The following ULK4 variants were observed in gnomAD, a reference collection of about 807,000 sequenced individuals.
ULK4 encodes unc-51 like kinase 4.
In ULK4, 133 loss-of-function variants were observed where a neutral mutation model predicts 160.6. That is an observed-to-expected ratio of 0.83 (90% confidence interval 0.72 to 0.96). ULK4 has a LOEUF of 0.96. Ranked by LOEUF, ULK4 falls within the 40% of genes least tolerant of loss-of-function variation. The pLI is 0.00. For synonymous variants in ULK4, 534 were observed against 539.8 expected (o/e 0.99, Z 0.15); for missense variants, 1,580 against 1,499.5 (o/e 1.05, Z -0.89).
intron 32 of ULK4, among the ~76,000 whole-genome samples, chr3:41,503,484 C>A (rs1257385182): frequency 2.0e-5 from 3 of 152,136 alleles, no homozygotes; most frequent in Non-Finnish European, 4.4e-5. Context: ...TACAAATAAG[C>A]ATGACACCAA....
rs184924006 is a variant in ULK4, at chr3:41,574,051, G to A, written c.3121-7921C>T. Among the ~76,000 whole-genome samples the A allele has an allele frequency of 8.1e-5, 12 of 148,636 alleles. No individual in the cohort carries two copies. The South Asian group carries it at 8.8e-4, about 11-fold the overall frequency. ...CACAAAATTAGCCAGGAGCGGTGGCGCATGCCTATAATCCCAGCTACTTGG... is the reference window on the plus strand; with the variant it reads ...CACAAAATTAGCCAGGAGCGGTGGCACATGCCTATAATCCCAGCTACTTGG... On this transcript the variant is annotated intron_variant, in intron 31 of 36. Transcript: ENST00000301831.
At chr3:41,593,440 GT>G (rs2031488401) in intron 31 of ULK4, among the ~76,000 whole-genome samples, 1 of 152,052 alleles carries the variant, frequency 6.6e-6, no homozygotes, top group South Asian at 2.1e-4. Flanking sequence ...AATGAAATCT[GT>G]AACTGAAATC....
intron 32 of ULK4, among the ~76,000 whole-genome samples, chr3:41,552,921 C>A (rs1359039302): frequency 6.6e-6 from 1 of 151,990 alleles, no homozygotes; most frequent in African/African-American, 2.4e-5. Flanking sequence ...ATCAATGGAG[C>A]AGAACTGAGA....
intron 32 of ULK4, among the ~76,000 whole-genome samples, chr3:41,471,294 G>A (rs1458803118): frequency 2.0e-5 from 3 of 151,968 alleles, no homozygotes. Flanking sequence ...TTCAACAAGA[G>A]GATATAACAA....
chr3:41,466,904 A>C (rs949539092), intron 32 of ULK4, among the ~76,000 whole-genome samples: 2 of 152,318 alleles, frequency 1.3e-5, no homozygotes, highest in African/African-American at 4.8e-5. Context: ...AAATATGTGA[A>C]TAGCCAGTTC....
chr3:41,625,490 C>T (rs2033462500), intron 30 of ULK4, among the ~76,000 whole-genome samples: 2 of 152,152 alleles, frequency 1.3e-5, no homozygotes, highest in South Asian at 4.1e-4. Context: ...ACTCAGCGCA[C>T]CCTTCATTTG....
chr3:41,645,244 G>A (rs898049997), intron 30 of ULK4, among the ~76,000 whole-genome samples: 2 of 151,750 alleles, frequency 1.3e-5, no homozygotes, highest in African/African-American at 4.9e-5. Context: ...GCTTTTGAAT[G>A]TGTTTGCTCT....
intron 17 of ULK4, among the ~76,000 whole-genome samples, chr3:41,883,052 G>T (rs977230462): frequency 6.6e-6 from 1 of 152,130 alleles, no homozygotes; most frequent in African/African-American, 2.4e-5. Flanking sequence ...CCAGCAGTTT[G>T]CAGGAAATAG....
At chr3:41,268,787 G>C (rs1368137226) in intron 35 of ULK4, among the ~76,000 whole-genome samples, 2 of 127,050 alleles carry the variant, frequency 1.6e-5, no homozygotes, top group African/African-American at 6.1e-5. Flanking sequence ...CTGGGTGACA[G>C]AGCAAGACTC....
chr3:41,360,713 C>G (rs1011090327), intron 35 of ULK4, among the ~76,000 whole-genome samples: 1 of 152,116 alleles, frequency 6.6e-6, no homozygotes, highest in East Asian at 1.9e-4. Flanking sequence ...GGAGCCTGAA[C>G]GATGAGAACA....
chr3:41,840,236 C>A (rs1162887299), intron 17 of ULK4, among the ~76,000 whole-genome samples: 2 of 152,122 alleles, frequency 1.3e-5, no homozygotes, highest in African/African-American at 4.8e-5. Context: ...TGAGACCAAC[C>A]TGGACAACAA....
Position 41,406,976 on chromosome 3 carries a change from G to A in ULK4, c.3493-8712C>T, listed in dbSNP as rs983128813. 7.2e-5 allele frequency among the ~76,000 whole-genome samples: 11 copies of A among 152,184 alleles called. No homozygotes were observed. In the South Asian group the frequency reaches 2.3e-3, roughly 32 times the overall value. On this transcript the variant is annotated intron_variant, in intron 34 of 36. Transcript: ENST00000301831. ...GAGTTTCCAGGCCTATGTGCAGGGAGGACAACAGAGGGGGATCCCAGTGGA... is the reference window on the plus strand; with the variant it reads ...GAGTTTCCAGGCCTATGTGCAGGGAAGACAACAGAGGGGGATCCCAGTGGA...
intron 32 of ULK4, among the ~76,000 whole-genome samples, chr3:41,541,203 T>C (rs1253018198): frequency 1.3e-5 from 2 of 152,242 alleles, no homozygotes; most frequent in Non-Finnish European, 2.9e-5. Context: ...TCAACTTTTG[T>C]ATAAGGTGTA....
At chr3:41,314,631 GTAGTGGTAA>G (rs1374273994) in intron 35 of ULK4, among the ~76,000 whole-genome samples, 5 of 152,198 alleles carry the variant, frequency 3.3e-5, no homozygotes, top group Admixed American at 3.3e-4. Context: ...ACAAATAATG[GTAGTGGTAA>G]TAGTGGTGAT....
chr3:41,939,851 T>C (rs1319164506), intron 2 of ULK4, among the ~76,000 whole-genome samples: 6 of 152,070 alleles, frequency 3.9e-5, no homozygotes, highest in African/African-American at 9.7e-5. Flanking sequence ...ACAAACCCTA[T>C]TGTGAACTGT....
chr3:41,354,935 T>C (rs964609360), intron 35 of ULK4, among the ~76,000 whole-genome samples: 3 of 152,314 alleles, frequency 2.0e-5, no homozygotes, highest in African/African-American at 7.2e-5. Flanking sequence ...CCTCTAGTGA[T>C]GGCTATCTTT....
chr3:41,648,571 T>C (rs1389647579), intron 30 of ULK4, among the ~76,000 whole-genome samples: 1 of 152,184 alleles, frequency 6.6e-6, no homozygotes, highest in Non-Finnish European at 1.5e-5. Context: ...TTGCAAACTG[T>C]TTTCTTAGCC....
intron 29 of ULK4, among the ~76,000 whole-genome samples, chr3:41,673,144 CTTTT>C (rs1179009353): frequency 6.6e-6 from 1 of 151,848 alleles, no homozygotes; most frequent in African/African-American, 2.4e-5. Context: ...CCAGCCAAAA[CTTTT>C]TTTTAATTAA....
At position 41,315,803 on chromosome 3, in the gene ULK4, C is replaced by T. The variant is rs2171413; in HGVS notation, c.3679-66229G>A. On this transcript the variant is annotated intron_variant, in intron 35 of 36. Coordinates refer to ENST00000301831, the MANE Select transcript of ULK4 (RefSeq NM_017886.4). ...AAACATAGATGCTCAATATCATTAG[C>T]CATCAGGACAATGCACATCAAAACC... 3.9e-5 allele frequency among the ~76,000 whole-genome samples: 6 copies of T among 152,262 alleles called. No individual in the cohort carries two copies. The East Asian group carries it at 1.2e-3, about 29-fold the overall frequency.
Sources: allele counts gnomAD v4.1 joint callset (sites outside exome capture counted in the v4.1 genomes callset), GRCh38; gene constraint gnomAD v4.1.1; transcripts MANE v1.5; gene names NCBI Gene and HGNC (gene_info 2026-07-23, HGNC 2026-07-21).